Variants in AUTS2 observed in about 807,000 individuals in gnomAD.
AUTS2 encodes activator of transcription and developmental regulator AUTS2.
In AUTS2, 17 loss-of-function variants were observed where a neutral mutation model predicts 112.4. The ratio of observed to expected loss-of-function variants is 0.15; its 90% CI spans 0.10 to 0.23. The LOEUF (loss-of-function observed/expected upper bound fraction) is 0.23. Among genes scored for constraint, AUTS2 ranks in the 10% least tolerant of loss-of-function variants. AUTS2 has a pLI of 1.00. For synonymous variants in AUTS2, 751 were observed against 702.7 expected, an observed-to-expected ratio of 1.07 and a Z score of -1.09; for missense variants, 1,510 against 1,701.6, an observed-to-expected ratio of 0.89 and a Z score of 1.98.
chr7:69,876,365 T>TAC (rs1793772493), intron 1 of AUTS2, among the ~76,000 whole-genome samples: 3 of 112,740 alleles, frequency 2.7e-5, no homozygotes, highest in African/African-American at 1.0e-4. Context: ...TATATATATA[T>TAC]ATATATATAT....
intron 6 of AUTS2, among the ~76,000 whole-genome samples, chr7:70,709,401 A>G (rs1809923691): frequency 6.6e-6 from 1 of 152,152 alleles, no homozygotes; most frequent in South Asian, 2.1e-4. Context: ...TCTAAAGACC[A>G]AAGTTTGTGT....
intron 1 of AUTS2, among the ~76,000 whole-genome samples, chr7:69,700,057 G>A (rs1461979586): frequency 6.6e-6 from 1 of 152,204 alleles, no homozygotes; most frequent in African/African-American, 2.4e-5. Context: ...AAATCCCTCT[G>A]TAGAGGTCGT....
intron 4 of AUTS2, among the ~76,000 whole-genome samples, chr7:70,278,159 G>C (rs1382808828): frequency 3.9e-5 from 6 of 152,126 alleles, no homozygotes; most frequent in Admixed American, 6.6e-5. Flanking sequence ...CCTCAAGCAA[G>C]AATACGAGAT....
At chr7:70,265,881 GAAGT>G (rs1787398721) in intron 4 of AUTS2, among the ~76,000 whole-genome samples, 1 of 152,192 alleles carries the variant, frequency 6.6e-6, no homozygotes. Flanking sequence ...CTCTGACTTT[GAAGT>G]AAGTAGAATA....
At chr7:70,185,532 A>G (rs908433133) in intron 4 of AUTS2, among the ~76,000 whole-genome samples, 1 of 152,108 alleles carries the variant, frequency 6.6e-6, no homozygotes, top group Non-Finnish European at 1.5e-5. Context: ...CATCATATTC[A>G]TCTAAAGGTT....
chr7:70,738,016 GA>G (rs936540373), intron 6 of AUTS2, among the ~76,000 whole-genome samples: 32 of 152,108 alleles, frequency 2.1e-4, no homozygotes, highest in Middle Eastern at 3.4e-3. Flanking sequence ...AAGACATTCT[GA>G]AACCAACTTT....
In AUTS2 at chr7:70,163,256, A is replaced by T. The variant is rs561263157; in HGVS notation, c.660+28685A>T. On this transcript the variant is annotated intron_variant, in intron 4 of 18. Transcript: ENST00000342771. ...AGAGCTCAGAGAGTTCATACGAGTA[A>T]GTCTAGCATGTAGAAACTAAGCCAG... Among the ~76,000 whole-genome samples, 4 of 149,290 alleles carry T rather than the reference A, an allele frequency of 2.7e-5. No homozygotes were observed. In the East Asian group the frequency reaches 6.1e-4, roughly 23 times the overall value.
At chr7:70,415,095 T>A (rs1794934892) in intron 4 of AUTS2, among the ~76,000 whole-genome samples, 1 of 152,122 alleles carries the variant, frequency 6.6e-6, no homozygotes, top group Non-Finnish European at 1.5e-5. Flanking sequence ...TCGAGAGAGG[T>A]CTGCTCACCT....
At chr7:70,239,474 T>C (rs1812494409) in intron 4 of AUTS2, among the ~76,000 whole-genome samples, 1 of 152,150 alleles carries the variant, frequency 6.6e-6, no homozygotes. Flanking sequence ...TCCCTCTTTT[T>C]GCCCAGGCTG....
chr7:70,498,943 C>T (rs752597757), intron 5 of AUTS2, among the ~76,000 whole-genome samples: 5 of 152,098 alleles, frequency 3.3e-5, no homozygotes, highest in Non-Finnish European at 7.4e-5. Context: ...GCAGGGCAGC[C>T]CCAAGGCATG....
chr7:70,101,113 G>T (rs1348827577), intron 2 of AUTS2, among the ~76,000 whole-genome samples: 1 of 152,030 alleles, frequency 6.6e-6, no homozygotes, highest in Non-Finnish European at 1.5e-5. Flanking sequence ...CCTGACGCCA[G>T]GTGATCTGCC....
intron 5 of AUTS2, among the ~76,000 whole-genome samples, chr7:70,455,245 G>T (rs1796688275): frequency 6.6e-6 from 1 of 152,172 alleles, no homozygotes; most frequent in African/African-American, 2.4e-5. Context: ...CAAACCCTGG[G>T]GTGGGTGGGA....
chr7:70,596,627 C>T (rs1184977977), intron 5 of AUTS2: 1 of 152,280 alleles, frequency 6.6e-6, no homozygotes, highest in Admixed American at 6.5e-5. Context: ...TTTGCATCCT[C>T]TTCGGCTAGG....
chr7:70,294,369 T>G (rs1788839324), intron 4 of AUTS2: 2 of 152,168 alleles, frequency 1.3e-5, no homozygotes, highest in Admixed American at 6.6e-5. Flanking sequence ...CCCCACTGAG[T>G]CCATTACATT....
chr7:70,299,239 C>T (rs921652401), intron 4 of AUTS2, among the ~76,000 whole-genome samples: 18 of 152,130 alleles, frequency 1.2e-4, no homozygotes, highest in Non-Finnish European at 2.9e-5. Flanking sequence ...TGTTTTTCTG[C>T]CTCCAGACTC....
At chr7:70,486,004 TAAATAAATA>T (rs1318258801) in intron 5 of AUTS2, among the ~76,000 whole-genome samples, 7 of 129,192 alleles carry the variant, frequency 5.4e-5, no homozygotes, top group Non-Finnish European at 1.2e-4. Context: ...AAATAAATAA[TAAATAAATA>T]AATAAATAAA....
chr7:69,828,132 G>A (rs1413645833), intron 1 of AUTS2, among the ~76,000 whole-genome samples: 1 of 152,128 alleles, frequency 6.6e-6, no homozygotes, highest in Non-Finnish European at 1.5e-5. Flanking sequence ...TTTTATTTAG[G>A]TGTTCACTTC....
At chr7:70,162,981 C>T (rs555970961) in intron 4 of AUTS2, among the ~76,000 whole-genome samples, 4 of 152,006 alleles carry the variant, frequency 2.6e-5, no homozygotes, top group Non-Finnish European at 4.4e-5. Flanking sequence ...TTGTAATTAC[C>T]GCAAAATGTT....
chr7:70,091,769 G>A (rs1402311411), intron 2 of AUTS2, among the ~76,000 whole-genome samples: 1 of 152,116 alleles, frequency 6.6e-6, no homozygotes, highest in Non-Finnish European at 1.5e-5. Context: ...TTTCATTTCT[G>A]AGTTAGTACG....
Sources: gnomAD v4.1 joint callset for allele counts (sites outside exome capture counted in the v4.1 genomes callset) on GRCh38, gnomAD v4.1.1 for gene constraint, MANE v1.5 for transcripts, NCBI Gene and HGNC (gene_info 2026-07-23, HGNC 2026-07-21) for gene names.